Variants in CABIN1 observed in about 807,000 individuals in gnomAD.
CABIN1 encodes calcineurin binding protein 1.
Under a neutral mutation model 227.7 loss-of-function variants are expected in CABIN1, and 133 were observed. That is an observed-to-expected ratio of 0.58 (90% CI 0.51 to 0.67). The LOEUF (loss-of-function observed/expected upper bound fraction) is 0.67. CABIN1 is among the 30% of genes least tolerant of loss of function. The probability of loss-of-function intolerance (pLI) is 0.00; values close to 1 mark genes in which losing one functional copy is unlikely to be tolerated. For synonymous variants in CABIN1, 1,086 were observed against 1,155.1 expected (o/e 0.94, Z 1.21); for missense variants, 2,408 against 2,852.5 (o/e 0.84, Z 3.55).
Position 24,166,771 on chromosome 22 carries a change from G to A in CABIN1, c.5140G>A (p.Gly1714Ser), listed in dbSNP as rs2046470077. ...PQPKKPPLAD[G>S]SGPGPEPGGK... ...GCCGAAGAAGCCCCCTCTGGCTGATGGCTCAGGGCCAGGGCCCGAGCCAGG... is the reference window on the plus strand; with the variant it reads ...GCCGAAGAAGCCCCCTCTGGCTGATAGCTCAGGGCCAGGGCCCGAGCCAGG... The change falls in exon 32 of 37, where the codon GGC becomes AGC. Residue 1714 changes from glycine (G) to serine (S), a missense_variant. Physicochemically the swap from Gly to Ser is moderately conservative, Grantham distance 56 (BLOSUM62 0). Around this residue, in one of 3 missense-constraint regions of CABIN1, gnomAD observed 714 missense variants for 773.8 expected, o/e 0.92. Coordinates refer to ENST00000263119, the MANE Select transcript of CABIN1 (RefSeq NM_012295.4). 4 of 1,612,940 alleles carry A rather than the reference G, an allele frequency of 2.5e-6. No homozygotes were observed. Among genetic ancestry groups the A allele is most frequent in the Non-Finnish European group, 2.5e-6 (3 of 1,179,994 alleles).
At chr22:24,049,480 G>A (rs568132099) in intron 7 of CABIN1, among the ~76,000 whole-genome samples, 2 of 152,182 alleles carry the variant, frequency 1.3e-5, no homozygotes, top group South Asian at 4.2e-4. Flanking sequence ...TTCAGTGTTC[G>A]CTAGCTGTCC....
At chr22:24,175,172 G>A (rs2047034495) in intron 34 of CABIN1, among the ~76,000 whole-genome samples, 1 of 152,222 alleles carries the variant, frequency 6.6e-6, no homozygotes, top group South Asian at 2.1e-4. Context: ...AATGACACTG[G>A]GGGCAGGGGG....
At chr22:24,164,332 A>G in intron 29 of CABIN1, 68 bp from the exon 30 acceptor site, 4 of 1,578,006 alleles carry the variant, frequency 2.5e-6, no homozygotes, top group Non-Finnish European at 3.4e-6. Context: ...AGGGGATACC[A>G]GACAGGGTGT....
chr22:24,097,455 A>G (rs1203929026), intron 25 of CABIN1, among the ~76,000 whole-genome samples: 2 of 152,268 alleles, frequency 1.3e-5, no homozygotes, highest in African/African-American at 4.8e-5. Flanking sequence ...GCAACAGTCC[A>G]TGGAGATAGT....
rs1275297357 is a variant in CABIN1 at position 24,076,284 on chromosome 22, T to C, written c.2748T>C (p.Tyr916=). 7 of 1,612,624 alleles carry C rather than the reference T, an allele frequency of 4.3e-6. No individual in the cohort carries two copies. The highest frequency in any genetic ancestry group is 5.9e-6 in the Non-Finnish European group (7 of 1,178,728). The part of the protein sequence containing the change: ...CNSDGALLRF[Y]VRVLQKELAA... ...CAGATGGGGCTCTGCTGCGATTCTA[T>C]GTAAGTGCTTCCCCTTGGGCTGCAG... The change falls in exon 19 of 37, where the codon TAT becomes TAC. Residue 916 remains tyrosine, a splice_region_variant and synonymous_variant. Transcript: ENST00000263119.
At chr22:24,099,534 A>C (rs1475029865) in intron 26 of CABIN1, among the ~76,000 whole-genome samples, 1 of 152,156 alleles carries the variant, frequency 6.6e-6, no homozygotes, top group South Asian at 2.1e-4. Flanking sequence ...GAACTGACCC[A>C]CCTGCTCCTC....
At chr22:24,158,040 C>T (rs2045940554) in intron 29 of CABIN1, among the ~76,000 whole-genome samples, 1 of 152,230 alleles carries the variant, frequency 6.6e-6, no homozygotes. Context: ...CTGTTCCGAG[C>T]ACTGAGTCAC....
intron 1 of CABIN1, among the ~76,000 whole-genome samples, chr22:24,014,193 C>A (rs922063295): frequency 3.3e-5 from 5 of 152,298 alleles, no homozygotes; most frequent in Admixed American, 2.0e-4. Context: ...TTATTTCTCT[C>A]TTTCCTTCTA....
At position 24,119,639 on chromosome 22, in the gene CABIN1, C is replaced by T. The variant is rs1376777965; in HGVS notation, c.4573C>T (p.Gln1525Ter). 6.2e-6 allele frequency: 10 copies of T among 1,613,894 alleles called. No homozygotes were observed. The highest frequency in any genetic ancestry group is 2.2e-5 in the East Asian group (1 of 44,894). Residue 1525 changes from glutamine (Q) to a stop codon, truncating the protein, a stop_gained, in exon 28 of 37, where the codon CAG (glutamine) becomes TAG (stop). Coordinates refer to ENST00000263119, the MANE Select transcript of CABIN1 (RefSeq NM_012295.4). LOFTEE classifies it high-confidence loss of function. ...CCGCCTGTGCCTGAGCCGCTTCCCC[C>T]AGCACTATAAGAGTCTCTACCGTCT... ...SFRLCLSRFP[Q>*]HYKSLYRLAF...
intron 26 of CABIN1, 111 bp downstream of exon 26, chr22:24,098,303 TG>T: frequency 6.3e-7 from 1 of 1,584,892 alleles, no homozygotes. Flanking sequence ...GTGCTGGGTC[TG>T]GGGTGACACG....
At chr22:24,138,298 C>A (rs1303486670) in intron 29 of CABIN1, among the ~76,000 whole-genome samples, 1 of 152,230 alleles carries the variant, frequency 6.6e-6, no homozygotes, top group East Asian at 1.9e-4. Flanking sequence ...GCTGTGTCAC[C>A]TAGGCCCTTG....
rs2046587535 is a variant in CABIN1 at position 24,168,452 on chromosome 22, T to C, written c.5688T>C (p.Asp1896=). 6.4e-7 allele frequency: 1 copy of C among 1,571,012 alleles called. No individual in the cohort carries two copies. Among genetic ancestry groups the C allele is most frequent in the Non-Finnish European group, 8.6e-7 (1 of 1,158,034 alleles). ...TCCAGCATCTCCCTGTTAAGGTGGA[T>C]GAGGAGGCTGCGCTGGAGCAGGCTG... ...SETYMLIKQV[D]EEAALEQAVK... is the part of the protein sequence containing the mutation. The change falls in exon 33 of 37, where the codon GAT becomes GAC. Residue 1896 remains aspartate, a synonymous_variant. Transcript: ENST00000263119.
At position 24,056,178 on chromosome 22, in the gene CABIN1, C is replaced by G. The variant is rs772466467; in HGVS notation, c.1094-14C>G. ...TGCCACCGTGTAAGATTTTAATTTGCATTCTTTGTGAAGGTGATATTTCTG... is the reference window on the plus strand; with the variant it reads ...TGCCACCGTGTAAGATTTTAATTTGGATTCTTTGTGAAGGTGATATTTCTG... On this transcript the variant is annotated splice_polypyrimidine_tract_variant and intron_variant, in intron 9 of 36. Transcript: ENST00000263119. The G allele has an allele frequency of 1.9e-6, 3 of 1,612,520 alleles. No individual in the cohort carries two copies. Among genetic ancestry groups the G allele is most frequent in the Admixed American group, 1.7e-5 (1 of 59,990 alleles).
chr22:24,024,292 T>A (rs2035930284), intron 1 of CABIN1, among the ~76,000 whole-genome samples: 1 of 152,198 alleles, frequency 6.6e-6, no homozygotes, highest in Non-Finnish European at 1.5e-5. Flanking sequence ...CATAAAAGTT[T>A]TACATTTTGA....
chr22:24,135,536 C>T (rs1171420335), intron 29 of CABIN1, among the ~76,000 whole-genome samples: 1 of 151,872 alleles, frequency 6.6e-6, no homozygotes, highest in Non-Finnish European at 1.5e-5. Flanking sequence ...ACATATGCTC[C>T]TCTTGATACC....
At chr22:24,126,304 C>T (rs961791658) in intron 28 of CABIN1, among the ~76,000 whole-genome samples, 1 of 152,074 alleles carries the variant, frequency 6.6e-6, no homozygotes. Context: ...GTAAGGGGTT[C>T]GAGGTGTGAT....
intron 29 of CABIN1, among the ~76,000 whole-genome samples, chr22:24,160,605 G>A (rs564895671): frequency 1.8e-3 from 269 of 152,354 alleles, no homozygotes; most frequent in Non-Finnish European, 3.0e-3. Flanking sequence ...CTGAGTGAAA[G>A]GCTGTGTCTG....
chr22:24,025,438 C>T (rs1315556614), intron 1 of CABIN1, among the ~76,000 whole-genome samples: 2 of 152,280 alleles, frequency 1.3e-5, no homozygotes, highest in African/African-American at 2.4e-5. Context: ...TATACCAGTT[C>T]TACAGGGATC....
At chr22:24,027,873 T>C (rs563427294) in intron 1 of CABIN1, among the ~76,000 whole-genome samples, 50 of 152,288 alleles carry the variant, frequency 3.3e-4, no homozygotes, top group Non-Finnish European at 6.8e-4. Context: ...GATATTCTGT[T>C]ATAGCAGCAC....
Sources: gnomAD v4.1 joint callset for allele counts (sites outside exome capture counted in the v4.1 genomes callset) on GRCh38, gnomAD v4.1.1 for gene constraint, gnomAD v4.1.1 regional missense constraint, MANE v1.5 for transcripts, NCBI Gene and HGNC (gene_info 2026-07-23, HGNC 2026-07-21) for gene names.